Variants in MORN1 observed in about 807,000 individuals in gnomAD.
MORN1 encodes MORN repeat containing 1, also known as MORN repeat-containing protein 1.
A neutral mutation model predicts 61.9 loss-of-function variants in MORN1; 67 were observed. The observed-to-expected ratio is 1.08, with a 90% confidence interval of 0.89 to 1.33. The LOEUF (loss-of-function observed/expected upper bound fraction) is 1.33, where lower values mean the gene tolerates loss of function less well. Ranked by LOEUF, MORN1 falls within the 40% of genes most tolerant of loss-of-function variation. The pLI is 0.00. For synonymous variants in MORN1, 301 were observed against 292.0 expected, an observed-to-expected ratio of 1.03 and a Z score of -0.31; for missense variants, 752 against 691.2, an observed-to-expected ratio of 1.09 and a Z score of -0.99.
At chr1:2,370,891 T>C (rs1173029852) in intron 8 of MORN1, among the ~76,000 whole-genome samples, 3 of 151,874 alleles carry the variant, frequency 2.0e-5, no homozygotes, top group Admixed American at 1.3e-4. Context: ...GGTCTCACTA[T>C]ATTGCCCAGG....
intron 8 of MORN1, chr1:2,371,980 C>T (rs896177902): frequency 5.3e-5 from 9 of 168,356 alleles, no homozygotes; most frequent in African/African-American, 1.9e-4. Flanking sequence ...GGTGCATACC[C>T]ATGAGAAATG....
chr1:2,385,558 G>GT, intron 5 of MORN1: 1 of 350,196 alleles, frequency 2.9e-6, no homozygotes, highest in Non-Finnish European at 5.2e-6. Flanking sequence ...TCGGGGGGGG[G>GT]GGGGATGTTT....
chr1:2,381,497 G>C (rs1025186022), intron 6 of MORN1, among the ~76,000 whole-genome samples: 1 of 152,144 alleles, frequency 6.6e-6, no homozygotes, highest in African/African-American at 2.4e-5. Flanking sequence ...CTCAAGCCAC[G>C]GGCCTGCCTG....
intron 10 of MORN1, among the ~76,000 whole-genome samples, chr1:2,347,286 T>C (rs564730596): frequency 3.2e-4 from 49 of 152,226 alleles, no homozygotes; most frequent in African/African-American, 1.1e-3. Context: ...CCAAAGCGCC[T>C]CTAGAAAGGA....
At chr1:2,329,561 A>G (rs991520304) in intron 12 of MORN1, among the ~76,000 whole-genome samples, 2 of 152,108 alleles carry the variant, frequency 1.3e-5, no homozygotes, top group Non-Finnish European at 2.9e-5. Flanking sequence ...GACCACAGCC[A>G]GGTGCAGCCT....
chr1:2,336,359 C>T (rs1641275989), intron 12 of MORN1, 110 bp downstream of exon 12: 24 of 1,139,156 alleles, frequency 2.1e-5, no homozygotes, highest in Non-Finnish European at 3.0e-5. Context: ...CACTGTCTTC[C>T]CAGACCAGGC....
chr1:2,348,657 ACG>A (rs1641570972), intron 10 of MORN1, among the ~76,000 whole-genome samples: 1 of 149,660 alleles, frequency 6.7e-6, no homozygotes, highest in African/African-American at 2.5e-5. Context: ...GCACGCACAC[ACG>A]CACGCACACG....
intron 8 of MORN1, among the ~76,000 whole-genome samples, chr1:2,367,097 T>C (rs1182498429): frequency 2.0e-5 from 3 of 150,708 alleles, no homozygotes; most frequent in African/African-American, 7.5e-5. Flanking sequence ...CACATTCTTC[T>C]CAAGTGCACA....
rs546597494 is a variant in MORN1 at position 2,384,908 on chromosome 1, C to A, written c.537+70G>T. The A allele has an allele frequency of 6.1e-5, 82 of 1,351,048 alleles. 1 individual carries two copies. The South Asian group carries it at 1.1e-3, about 18-fold the overall frequency. 83.7% of individuals were successfully genotyped at this position (1,351,048 alleles called of 1,614,324 possible). The stretch of plus-strand genomic sequence containing the variant: ...AGCTGCCAGGGTGAGGCTCCCCATA[C>A]ACCCCACGCGCCCTGCCCACCACGA... On this transcript the variant is annotated intron_variant, in intron 6 of 13. Coordinates refer to ENST00000378531, the MANE Select transcript of MORN1 (RefSeq NM_024848.3).
intron 12 of MORN1, among the ~76,000 whole-genome samples, chr1:2,335,814 C>T (rs1641253399): frequency 7.1e-6 from 1 of 141,104 alleles, no homozygotes; most frequent in African/African-American, 3.2e-5. Context: ...TCAGCGGGGG[C>T]CTCCTCGCCT....
At chr1:2,333,892 G>A (rs1641212164) in intron 12 of MORN1, among the ~76,000 whole-genome samples, 1 of 146,370 alleles carries the variant, frequency 6.8e-6, no homozygotes, top group Non-Finnish European at 1.6e-5. Context: ...GCCAGAGCCA[G>A]GTTGGCTGCT....
chr1:2,378,754 G>A (rs903901), intron 6 of MORN1: 27,764 of 364,446 alleles, frequency 0.076, 1,877 homozygotes, highest in South Asian at 0.22. Flanking sequence ...TCTGGAGGAC[G>A]TGTGGGGCCT....
At chr1:2,363,827 A>T (rs6682345) in intron 8 of MORN1, among the ~76,000 whole-genome samples, 18,787 of 77,622 alleles carry the variant, frequency 0.24, 2,645 homozygotes, top group African/African-American at 0.48. Flanking sequence ...TATATATATA[A>T]AAAAAATCAG....
chr1:2,382,299 G>A (rs1310466701), intron 6 of MORN1, among the ~76,000 whole-genome samples: 3 of 152,162 alleles, frequency 2.0e-5, no homozygotes, highest in Admixed American at 6.5e-5. Flanking sequence ...GAGTGGCTGG[G>A]GGCCCCCAGG....
At chr1:2,384,402 A>C (rs972292384) in intron 6 of MORN1, among the ~76,000 whole-genome samples, 1 of 152,172 alleles carries the variant, frequency 6.6e-6, no homozygotes, top group Non-Finnish European at 1.5e-5. Flanking sequence ...CCTGTCACAG[A>C]CCAGAATGTA....
chr1:2,363,827 A>ATATATATATAT (rs59002493), intron 8 of MORN1, among the ~76,000 whole-genome samples: 4 of 78,424 alleles, frequency 5.1e-5, no homozygotes, highest in Admixed American at 1.2e-4. Flanking sequence ...TATATATATA[A>ATATATATATAT]AAAAAATCAG....
rs989877197 is a variant in MORN1, at chr1:2,323,987, C to G, written c.1297+110G>C. 1.1e-5 allele frequency: 16 copies of G among 1,463,024 alleles called. No homozygotes were observed. The Admixed American group carries it at 3.0e-4, about 27-fold the overall frequency. 90.6% of individuals were successfully genotyped at this position (1,463,024 alleles called of 1,614,324 possible). ...GTCCCCCACCCACTGCCACCTACCTCTGGGGGCCCCGGGCCGAGTTCCCCC... is the reference window on the plus strand; with the variant it reads ...GTCCCCCACCCACTGCCACCTACCTGTGGGGGCCCCGGGCCGAGTTCCCCC... On this transcript the variant is annotated intron_variant, in intron 13 of 13. Coordinates refer to ENST00000378531, the MANE Select transcript of MORN1 (RefSeq NM_024848.3).
At chr1:2,338,059 GC>G (rs1289983862) in intron 10 of MORN1, among the ~76,000 whole-genome samples, 1 of 152,104 alleles carries the variant, frequency 6.6e-6, no homozygotes, top group Non-Finnish European at 1.5e-5. Flanking sequence ...CTCACATGGG[GC>G]CCCGGGGCAG....
At chr1:2,373,851 G>C (rs1468375572) in intron 7 of MORN1, among the ~76,000 whole-genome samples, 3 of 152,236 alleles carry the variant, frequency 2.0e-5, no homozygotes, top group South Asian at 2.1e-4. Context: ...GGTCCCCCAA[G>C]GTCCTCCAAC....
Sources: gnomAD v4.1 joint callset for allele counts (sites outside exome capture counted in the v4.1 genomes callset) on GRCh38, gnomAD v4.1.1 for gene constraint, MANE v1.5 for transcripts, NCBI Gene and HGNC (gene_info 2026-07-23, HGNC 2026-07-21) for gene names.